RGS12: variants seen among roughly 807,000 people sequenced by gnomAD.
The protein encoded by RGS12 is regulator of G protein signaling 12.
Under a neutral mutation model 120.1 loss-of-function variants are expected in RGS12, and 66 were observed. That is an observed-to-expected ratio of 0.55 (90% CI 0.45 to 0.67). The LOEUF (loss-of-function observed/expected upper bound fraction) is 0.67, where lower values mean the gene tolerates loss of function less well. RGS12 is among the 30% of genes least tolerant of loss of function. The pLI is 0.00. For missense variants in RGS12, 1,859 were observed against 1,957.7 expected, an observed-to-expected ratio of 0.95 and a Z score of 0.95; for synonymous variants, 827 against 804.7, an observed-to-expected ratio of 1.03 and a Z score of -0.47.
rs1013598473 is a variant in RGS12 at position 3,317,890 on chromosome 4, C to A, written c.1720C>A (p.Pro574Thr). The stretch of plus-strand genomic sequence containing the variant: ...CAGCATCAACTGCGGCACACTGCCC[C>A]CTCCTATGAGCAAGATCCCCGCAGA... ...WSSINCGTLPPPMSKIPADRY... is the reference protein window; with the variant it reads ...WSSINCGTLPTPMSKIPADRY... Residue 574 changes from proline (P) to threonine (T), a missense_variant, in exon 2 of 18, where the codon CCT (proline) becomes ACT (threonine). Physicochemically the swap from Pro to Thr is conservative, Grantham distance 38 (BLOSUM62 -1). This residue lies in a region of RGS12 where 967 missense variants were observed against 994.2 expected (regional missense o/e 0.97). Coordinates refer to ENST00000336727, the MANE Select transcript of RGS12 (RefSeq NM_001394154.1). 6.2e-7 allele frequency: 1 copy of A among 1,613,966 alleles called. No homozygotes were observed. Among genetic ancestry groups the A allele is most frequent in the Admixed American group, 1.7e-5 (1 of 60,026 alleles).
intron 4 of RGS12, among the ~76,000 whole-genome samples, chr4:3,396,123 T>A: frequency 6.6e-6 from 1 of 152,222 alleles, no homozygotes; most frequent in South Asian, 2.1e-4. Context: ...CCAAATATTT[T>A]CCATCCACAG....
rs150258584 is a variant in RGS12, at chr4:3,331,856, G to A, written c.1882-11081G>A. On this transcript the variant is annotated intron_variant, in intron 2 of 17. Coordinates refer to ENST00000336727, the MANE Select transcript of RGS12 (RefSeq NM_001394154.1). ...AGGGAGAGGAGCCTCATGGGCCTGC[G>A]GCAGAGCTGGGGACCTGGGGCTTTG... Among the ~76,000 whole-genome samples the A allele has an allele frequency of 2.5e-3, 376 of 152,324 alleles. 1 individual carries two copies. Among genetic ancestry groups the A allele is most frequent in the Non-Finnish European group, 4.0e-3 (275 of 68,016 alleles).
chr4:3,387,511 T>A lies in RGS12; in HGVS notation c.2020+1074T>A, dbSNP rs1337429933. Among the ~76,000 whole-genome samples the A allele has an allele frequency of 3.3e-5, 5 of 152,208 alleles. No individual in the cohort carries two copies. In the East Asian group the frequency reaches 9.6e-4, roughly 29 times the overall value. On this transcript the variant is annotated intron_variant, in intron 4 of 17. Transcript: ENST00000336727. ...GTAGGAGGAGGAGCATATCTTGGGT[T>A]ACACACGCACTGGCACCTGAAGCCG...
intron 17 of RGS12, 125 bp from the exon 18 acceptor site, chr4:3,439,330 T>G: frequency 4.4e-5 from 41 of 921,746 alleles, no homozygotes; most frequent in Non-Finnish European, 6.3e-5. Context: ...GCCTCTGGGA[T>G]GTGTTTGGGA....
chr4:3,432,068 C>G (rs1724360469), intron 17 of RGS12: 1 of 985,330 alleles, frequency 1.0e-6, no homozygotes, highest in Non-Finnish European at 1.2e-6. Context: ...GCAGCCTCCA[C>G]CCCTGGCCTG....
intron 1 of RGS12, among the ~76,000 whole-genome samples, chr4:3,308,837 G>T (rs1187154973): frequency 2.0e-5 from 3 of 152,264 alleles, no homozygotes; most frequent in African/African-American, 7.2e-5. Context: ...GCTGTCATCT[G>T]TTGCATCCCG....
rs1392532199 is a variant in RGS12, at chr4:3,428,152, A to G, written c.3394A>G (p.Arg1132Gly). ...KQNTAVNSSSRNHSATGEERT... is the reference protein window; with the variant it reads ...KQNTAVNSSSGNHSATGEERT... ...GAACACAGCTGTAAATTCCAGCTCC[A>G]GAAACCACTCGGCTACGGTAATTCC... The change falls in exon 15 of 18, where the codon AGA (arginine) becomes GGA (glycine). Residue 1132 changes from arginine to glycine, a missense_variant. This residue lies in a region of RGS12 where 517 missense variants were observed against 488.5 expected (regional missense o/e 1.06). Coordinates refer to ENST00000336727, the MANE Select transcript of RGS12 (RefSeq NM_001394154.1). The G allele has an allele frequency of 3.1e-6, 5 of 1,613,560 alleles. No homozygotes were observed. Among genetic ancestry groups the G allele is most frequent in the Non-Finnish European group, 4.2e-6 (5 of 1,179,822 alleles).
intron 4 of RGS12, among the ~76,000 whole-genome samples, chr4:3,411,693 AGAGT>A (rs1445455409): frequency 3.3e-4 from 50 of 152,318 alleles, no homozygotes; most frequent in African/African-American, 1.2e-3. Context: ...TGCCCCAGAG[AGAGT>A]GAGTGTGCAA....
intron 2 of RGS12, chr4:3,324,398 C>T (rs998570605): frequency 9.0e-6 from 2 of 222,376 alleles, no homozygotes; most frequent in East Asian, 1.6e-4. Flanking sequence ...TGGGGATGTC[C>T]CCTGTGCCAG....
At position 3,430,915 on chromosome 4, in the gene RGS12, G is replaced by T; in HGVS notation, c.4074G>T (p.Pro1358=). ...GCCCCAACAGCACCTTGCTGCCGCC[G>T]CCCTCCACCCCCCAGGAAGTGCCAG... ...ISSPNSTLLP[P]PSTPQEVPGP... is the part of the protein sequence containing the mutation. The change falls in exon 17 of 18, where the codon CCG becomes CCT. Residue 1358 remains proline, a synonymous_variant. Transcript: ENST00000336727. The T allele has an allele frequency of 6.2e-7, 1 of 1,612,756 alleles. No homozygotes were observed.
intron 4 of RGS12, among the ~76,000 whole-genome samples, chr4:3,395,064 A>C (rs1049450345): frequency 6.6e-6 from 1 of 152,160 alleles, no homozygotes; most frequent in Non-Finnish European, 1.5e-5. Flanking sequence ...GTGGTGGCGC[A>C]TGCCTGTAAT....
rs776451737 is a variant in RGS12, at chr4:3,316,696, G to A, written c.526G>A (p.Ala176Thr). The A allele has an allele frequency of 3.1e-6, 5 of 1,614,076 alleles. No homozygotes were observed. The highest frequency in any genetic ancestry group is 1.1e-5 in the South Asian group (1 of 91,078). The change falls in exon 2 of 18, where the codon GCA becomes ACA. Residue 176 changes from alanine (A) to threonine (T), a missense_variant. Coordinates refer to ENST00000336727, the MANE Select transcript of RGS12 (RefSeq NM_001394154.1). ...LKQRSLSESA[A>T]TRFDVGHESI... is the part of the protein sequence containing the mutation. ...ACAAAGATCCCTTTCAGAGTCGGCC[G>A]CAACTCGATTTGATGTTGGACATGA...
Position 3,390,135 on chromosome 4 carries a change from C to G in RGS12, c.2020+3698C>G, listed in dbSNP as rs543699339. On this transcript the variant is annotated intron_variant, in intron 4 of 17. Coordinates refer to ENST00000336727, the MANE Select transcript of RGS12 (RefSeq NM_001394154.1). The surrounding 1 kb of genome is among the most constrained non-coding windows in gnomAD (Gnocchi z 4.6). The stretch of plus-strand genomic sequence containing the variant: ...CCACCAGCTCAGAGCCCCTGTTCCC[C>G]CAACCATCCTGCGTCCCACCCTGGT... Among the ~76,000 whole-genome samples, 5 of 152,340 alleles carry G rather than the reference C, an allele frequency of 3.3e-5. No homozygotes were observed. The highest frequency in any genetic ancestry group is 2.0e-4 in the Admixed American group (3 of 15,308).
chr4:3,342,630 G>A lies in RGS12; in HGVS notation c.1882-307G>A, dbSNP rs578226477. On this transcript the variant is annotated intron_variant, in intron 2 of 17. Transcript: ENST00000336727. ...TTGCACGTGATTTCATTTGATCTGG[G>A]TAACAGCCTTGTGGGTGGGCTGCCG... The A allele has an allele frequency of 6.2e-6, 8 of 1,295,388 alleles. No individual in the cohort carries two copies. In the African/African-American group the frequency reaches 8.9e-5, roughly 14 times the overall value. The allele number at this position is 1,295,388 out of a possible 1,614,324, so 80.2% of individuals were successfully genotyped here. A position where few individuals can be genotyped will look rare whatever the true frequency, so the allele number is the denominator to read the frequency against.
intron 3 of RGS12, among the ~76,000 whole-genome samples, chr4:3,363,466 C>G (rs1342892384): frequency 6.6e-6 from 1 of 151,768 alleles, no homozygotes; most frequent in Non-Finnish European, 1.5e-5. Flanking sequence ...TTAGTTGACT[C>G]CCGGTAAGGA....
rs764786359 is a variant in RGS12, at chr4:3,430,554, C to T, written c.3713C>T (p.Ala1238Val). 11 of 1,613,118 alleles carry T rather than the reference C, an allele frequency of 6.8e-6. No individual in the cohort carries two copies. Among genetic ancestry groups the T allele is most frequent in the South Asian group, 1.1e-5 (1 of 91,094 alleles). ...ELTLPTPAAVAKGFSKRSATG... is the reference protein window; with the variant it reads ...ELTLPTPAAVVKGFSKRSATG... ...ACCCTCCCCACTCCAGCTGCTGTGG[C>T]CAAGGGCTTTAGCAAGAGAAGCGCC... The change falls in exon 17 of 18, where the codon GCC becomes GTC. Residue 1238 changes from alanine (A) to valine (V), a missense_variant. This residue lies in a region of RGS12 where 517 missense variants were observed against 488.5 expected (regional missense o/e 1.06). Transcript: ENST00000336727.
chr4:3,392,764 G>A (rs895345885), intron 4 of RGS12, among the ~76,000 whole-genome samples: 1 of 152,134 alleles, frequency 6.6e-6, no homozygotes, highest in Non-Finnish European at 1.5e-5. Flanking sequence ...TGAGGTGGGC[G>A]GATCAGCTGA....
intron 3 of RGS12, among the ~76,000 whole-genome samples, chr4:3,363,567 A>G (rs1049609489): frequency 1.3e-5 from 2 of 152,000 alleles, no homozygotes; most frequent in African/African-American, 4.8e-5. Context: ...TTCTGCGTGT[A>G]GGAGAATCTG....
At chr4:3,373,685 C>T (rs1717307373) in intron 3 of RGS12, among the ~76,000 whole-genome samples, 1 of 152,188 alleles carries the variant, frequency 6.6e-6, no homozygotes. Context: ...CCTCTGCCCG[C>T]CTGTGTCCTG....
Sources: gnomAD v4.1 joint callset for allele counts (sites outside exome capture counted in the v4.1 genomes callset) on GRCh38, gnomAD v4.1.1 for gene constraint, gnomAD v4.1.1 regional missense constraint, Gnocchi (gnomAD v3.1) non-coding constraint, MANE v1.5 for transcripts, NCBI Gene and HGNC (gene_info 2026-07-23, HGNC 2026-07-21) for gene names.